EIF1AY: variants seen among roughly 807,000 people sequenced by gnomAD.
EIF1AY encodes the protein eukaryotic translation initiation factor 1A Y-linked.
For missense variants in EIF1AY, 19 were observed against 30.6 expected, an observed-to-expected ratio of 0.62 and a Z score of 0.89; for synonymous variants, 16 against 9.9, an observed-to-expected ratio of 1.62 and a Z score of -1.16.
chrY:20,581,847 G>C (rs1026918403), intron 2 of EIF1AY, among the ~76,000 whole-genome samples: 138 of 33,468 alleles, frequency 4.1e-3, no homozygotes, highest in African/African-American at 0.016. Flanking sequence ...GTGTACAGTC[G>C]TGAAAACAAC....
chrY:20,582,700 G>A lies in EIF1AY; in HGVS notation c.204+7G>A. On this transcript the variant is annotated splice_region_variant and intron_variant, in intron 3 of 6. Transcript: ENST00000361365. Reference sequence around the variant, plus strand: ...AGGGAAATTGAGAAAAAAGGTAGGTGTGTAGGTTACTTTTCAATAAAAATT... The same window carrying A: ...AGGGAAATTGAGAAAAAAGGTAGGTATGTAGGTTACTTTTCAATAAAAATT... The A allele has an allele frequency of 2.7e-6, 1 of 370,480 alleles. No individual in the cohort carries two copies. The highest frequency in any genetic ancestry group is 3.8e-6 in the Non-Finnish European group (1 of 261,533). The allele number at this position is 370,480 out of a possible 400,897, so 92.4% of individuals were successfully genotyped here.
At chrY:20,584,361 T>A in intron 3 of EIF1AY, 113 bp from the exon 4 acceptor site, 1 of 97,723 alleles carries the variant, frequency 1.0e-5, no homozygotes. Context: ...ATCTAATTAA[T>A]TTTTTTTTTC....
chrY:20,580,740 T>A, intron 2 of EIF1AY, among the ~76,000 whole-genome samples: 1 of 33,879 alleles, frequency 3.0e-5, no homozygotes, highest in African/African-American at 1.2e-4. Context: ...CGCTAAATAC[T>A]TCAGCATATG....
At chrY:20,581,612 G>A (rs768540176) in intron 2 of EIF1AY, among the ~76,000 whole-genome samples, 3 of 33,259 alleles carry the variant, frequency 9.0e-5, no homozygotes, top group South Asian at 6.9e-4. Context: ...GATTATAGGC[G>A]TGAGTAACCA....
intron 1 of EIF1AY, among the ~76,000 whole-genome samples, chrY:20,579,296 T>C (rs2089348782): frequency 6.0e-5 from 2 of 33,382 alleles, no homozygotes; most frequent in Non-Finnish European, 7.4e-5. Flanking sequence ...GTTTCTATTA[T>C]ATAGTTTCAT....
At chrY:20,583,465 G>A (rs779130936) in intron 3 of EIF1AY, among the ~76,000 whole-genome samples, 2 of 33,145 alleles carry the variant, frequency 6.0e-5, no homozygotes, top group East Asian at 1.6e-3. Context: ...GTCCATTTGG[G>A]CTGTCACTGA....
intron 6 of EIF1AY, among the ~76,000 whole-genome samples, chrY:20,590,633 CA>C (rs779872718): frequency 3.0e-4 from 5 of 16,765 alleles, no homozygotes; most frequent in Admixed American, 1.2e-3. Context: ...GACTCCATCT[CA>C]AAAAAAAAAA....
At chrY:20,577,643 C>A (rs2089347572) in intron 1 of EIF1AY, among the ~76,000 whole-genome samples, 1 of 29,898 alleles carries the variant, frequency 3.3e-5, no homozygotes, top group Non-Finnish European at 7.9e-5. Flanking sequence ...TCCAGGCTAA[C>A]ATGGTGAAAC....
chrY:20,591,665 G>C, intron 6 of EIF1AY, among the ~76,000 whole-genome samples: 3 of 33,905 alleles, frequency 8.8e-5, no homozygotes, highest in Admixed American at 2.7e-4. Context: ...TTTTGTTGTA[G>C]ATTAAGGGCA....
intron 1 of EIF1AY, among the ~76,000 whole-genome samples, chrY:20,579,063 A>G: frequency 2.9e-5 from 1 of 34,050 alleles, no homozygotes; most frequent in Admixed American, 2.7e-4. Flanking sequence ...TCAATGCAGC[A>G]TTATATAATA....
chrY:20,579,466 T>C, intron 1 of EIF1AY, 142 bp from the exon 2 acceptor site: 1 of 126,311 alleles, frequency 7.9e-6, no homozygotes, highest in East Asian at 1.3e-4. Flanking sequence ...ATTTATTATG[T>C]GTTTAAATGA....
In EIF1AY at chrY:20,588,120, A is replaced by G; in HGVS notation, c.337+15A>G. On this transcript the variant is annotated intron_variant, in intron 5 of 6. Coordinates refer to ENST00000361365, the MANE Select transcript of EIF1AY (RefSeq NM_004681.4). ...TCCAGAACATGGTAAGATCAAAATG[A>G]TTTTATCTCCTCATTATTTGATATT... is the stretch of plus-strand genomic sequence containing the variant. 1.6e-5 allele frequency: 5 copies of G among 321,872 alleles called. No homozygotes were observed. Among genetic ancestry groups the G allele is most frequent in the Non-Finnish European group, 2.3e-5 (5 of 219,071 alleles). The allele number at this position is 321,872 out of a possible 400,897, so 80.3% of individuals were successfully genotyped here. A position where few individuals can be genotyped will look rare whatever the true frequency, so the allele number is the denominator to read the frequency against.
At chrY:20,579,575 A>T in intron 1 of EIF1AY, 33 bp from the exon 2 acceptor site, 1 of 276,359 alleles carries the variant, frequency 3.6e-6, no homozygotes, top group South Asian at 3.8e-5. Flanking sequence ...AGATTTTTAC[A>T]TTAATTTTTT....
At chrY:20,579,566 G>C in intron 1 of EIF1AY, 42 bp from the exon 2 acceptor site, 1 of 274,158 alleles carries the variant, frequency 3.6e-6, no homozygotes, top group African/African-American at 7.2e-5. Context: ...ATATTATGTA[G>C]ATTTTTACAT....
At chrY:20,589,065 G>A (rs13447354) in intron 5 of EIF1AY, 2,685 of 35,567 alleles carry the variant, frequency 0.075, no homozygotes, top group Non-Finnish European at 0.12. Context: ...AGCATAATCA[G>A]TCTGCCTACC....
chrY:20,580,206 A>G (rs2089349642), intron 2 of EIF1AY, among the ~76,000 whole-genome samples: 1 of 32,966 alleles, frequency 3.0e-5, no homozygotes, highest in Non-Finnish European at 7.4e-5. Context: ...CACTGTATTC[A>G]GCCTGGGTGA....
rs750548572 is a variant in EIF1AY, at chrY:20,584,480, A to G, written c.211A>G (p.Ile71Val). 1.8e-5 allele frequency: 6 copies of G among 329,962 alleles called. No homozygotes were observed. The East Asian group carries it at 5.9e-4, about 33-fold the overall frequency. The allele number at this position is 329,962 out of a possible 400,897, so 82.3% of individuals were successfully genotyped here. The part of the protein sequence containing the change: ...IRGKLRKKVW[I>V]NTSDIILVGL... ...TGCAGTAAATTTCTTACAGGTTTGG[A>G]TAAATACATCAGACATTATATTGGT... is the stretch of plus-strand genomic sequence containing the variant. The change falls in exon 4 of 7, where the codon ATA becomes GTA. Residue 71 changes from isoleucine (I) to valine (V), a missense_variant. Transcript: ENST00000361365.
Position 20,589,530 on chromosome Y carries a change from A to C in EIF1AY, c.384A>C (p.Glu128Asp). The change falls in exon 6 of 7, where the codon GAA becomes GAC. Residue 128 changes from glutamate to aspartate, a missense_variant. By Grantham distance (45) the Glu-to-Asp change is conservative. Transcript: ENST00000361365. ...CATTTGGTCCTGGAGATGATGATGA[A>C]ATCCAGTTTGACGATATTGGAGATG... Reference protein sequence around the residue: ...TDTFGPGDDDEIQFDDIGDDD... With the variant: ...TDTFGPGDDDDIQFDDIGDDD... 2.6e-6 allele frequency: 1 copy of C among 381,765 alleles called. No individual in the cohort carries two copies. The highest frequency in any genetic ancestry group is 3.0e-5 in the South Asian group (1 of 33,388).
chrY:20,590,143 G>A (rs2089358155), intron 6 of EIF1AY, among the ~76,000 whole-genome samples: 1 of 27,641 alleles, frequency 3.6e-5, no homozygotes, highest in South Asian at 8.9e-4. Context: ...TGTGTTTATT[G>A]GATATGGAAT....
Sources: gnomAD v4.1 joint callset for allele counts (sites outside exome capture counted in the v4.1 genomes callset) on GRCh38, gnomAD v4.1.1 for gene constraint, MANE v1.5 for transcripts, NCBI Gene and HGNC (gene_info 2026-07-23, HGNC 2026-07-21) for gene names.